Variants in CASQ2 observed in about 807,000 individuals in gnomAD.
CASQ2 encodes the protein calsequestrin-2.
CASQ2 carries 49 observed loss-of-function variants against 46.5 expected under a neutral mutation model. That is an observed-to-expected ratio of 1.05 (90% confidence interval 0.84 to 1.34). The LOEUF (loss-of-function observed/expected upper bound fraction) is 1.34, where lower values mean the gene tolerates loss of function less well. Among genes scored for constraint, CASQ2 ranks in the 40% most tolerant of loss-of-function variants. The pLI is 0.00. For synonymous variants in CASQ2, 174 were observed against 168.5 expected (o/e 1.03, Z -0.25); for missense variants, 486 against 481.3 (o/e 1.01, Z -0.09).
intron 1 of CASQ2, among the ~76,000 whole-genome samples, chr1:115,751,149 T>C (rs1648565849): frequency 6.6e-6 from 1 of 152,268 alleles, no homozygotes; most frequent in South Asian, 2.1e-4. Flanking sequence ...GGCACAGTTC[T>C]TGGCATGCAG....
chr1:115,768,251 G>T, intron 1 of CASQ2, 57 bp downstream of exon 1: 1 of 1,117,860 alleles, frequency 8.9e-7, no homozygotes, highest in Non-Finnish European at 1.4e-6. Flanking sequence ...CTGGCCAAAG[G>T]CATTCCCTCG....
chr1:115,738,470 C>T (rs1648041702), intron 3 of CASQ2, 135 bp from the exon 4 acceptor site: 1 of 728,292 alleles, frequency 1.4e-6, no homozygotes, highest in African/African-American at 1.7e-5. Flanking sequence ...ATTCTCCCCA[C>T]AATCCCCCAG....
chr1:115,757,208 C>A (rs1270448508), intron 1 of CASQ2, among the ~76,000 whole-genome samples: 1 of 152,152 alleles, frequency 6.6e-6, no homozygotes, highest in African/African-American at 2.4e-5. Context: ...GCTTTTACAA[C>A]TAGCATTTCT....
At chr1:115,726,943 C>T in intron 6 of CASQ2, 49 bp downstream of exon 6, 1 of 1,403,012 alleles carries the variant, frequency 7.1e-7, no homozygotes, top group Non-Finnish European at 9.9e-7. Context: ...AGGCTCCTCT[C>T]CATTCCCCAG....
intron 4 of CASQ2, among the ~76,000 whole-genome samples, chr1:115,735,688 T>C (rs968164042): frequency 6.6e-6 from 1 of 152,222 alleles, no homozygotes; most frequent in African/African-American, 2.4e-5. Context: ...ATACAAAATT[T>C]AATTAAGATC....
At chr1:115,755,971 T>G (rs929855454) in intron 1 of CASQ2, among the ~76,000 whole-genome samples, 1 of 149,596 alleles carries the variant, frequency 6.7e-6, no homozygotes, top group Non-Finnish European at 1.5e-5. Flanking sequence ...GTTGCATTGT[T>G]GCATTCACTT....
intron 8 of CASQ2, among the ~76,000 whole-genome samples, chr1:115,715,105 C>T (rs1654658401): frequency 6.6e-6 from 1 of 152,228 alleles, no homozygotes; most frequent in Non-Finnish European, 1.5e-5. Flanking sequence ...CAGCAGGCTG[C>T]TGCCTATGGC....
At chr1:115,733,064 C>CAATT (rs1373082904) in intron 4 of CASQ2, 90 bp from the exon 5 acceptor site, 1 of 854,844 alleles carries the variant, frequency 1.2e-6, no homozygotes, top group Middle Eastern at 2.2e-4. Flanking sequence ...AGTAGAAAGC[C>CAATT]AATTAATCCT....
chr1:115,766,250 G>A (rs983798886), intron 1 of CASQ2, among the ~76,000 whole-genome samples: 7 of 152,272 alleles, frequency 4.6e-5, no homozygotes, highest in African/African-American at 1.2e-4. Context: ...GGGCGTTTTC[G>A]CACTGATTTC....
intron 5 of CASQ2, among the ~76,000 whole-genome samples, chr1:115,728,953 T>C (rs1438193571): frequency 6.6e-6 from 1 of 151,844 alleles, no homozygotes; most frequent in Non-Finnish European, 1.5e-5. Context: ...AGTAAAAATT[T>C]CCCAGGGATC....
chr1:115,710,698 G>A (rs987632087), intron 8 of CASQ2, among the ~76,000 whole-genome samples: 1 of 152,164 alleles, frequency 6.6e-6, no homozygotes, highest in Non-Finnish European at 1.5e-5. Flanking sequence ...GGCTAACTCA[G>A]GGATGGCTCT....
intron 8 of CASQ2, among the ~76,000 whole-genome samples, chr1:115,713,449 C>G (rs533262103): frequency 6.6e-5 from 10 of 152,312 alleles, no homozygotes; most frequent in Admixed American, 6.5e-4. Context: ...AGAGCAGACT[C>G]TGCCTCCTGG....
intron 2 of CASQ2, 49 bp from the exon 3 acceptor site, chr1:115,740,877 G>T: frequency 7.7e-7 from 1 of 1,299,592 alleles, no homozygotes; most frequent in Non-Finnish European, 1.1e-6. Flanking sequence ...GACGTAGGAA[G>T]AGTGATTGTA....
At chr1:115,758,724 T>A (rs754549099) in intron 1 of CASQ2, among the ~76,000 whole-genome samples, 1 of 152,192 alleles carries the variant, frequency 6.6e-6, no homozygotes, top group Non-Finnish European at 1.5e-5. Flanking sequence ...ACCTTTTCTC[T>A]CTCTCTCGCT....
At position 115,739,124 on chromosome 1, in the gene CASQ2, C is replaced by CTTTTTTTTTTTTTTTTTTTTTTTT. The variant is rs1299140156; in HGVS notation, c.421-790_421-789insAAAAAAAAAAAAAAAAAAAAAAAA. On this transcript the variant is annotated intron_variant, in intron 3 of 10. Coordinates refer to ENST00000261448, the MANE Select transcript of CASQ2 (RefSeq NM_001232.4). ...ATGTATAGCACATTTTCTTTTCTTT[C>CTTTTTTTTTTTTTTTTTTTTTTTT]TTTTTGAGATGGAGTCATGCTGTGT... 2.7e-3 allele frequency among the ~76,000 whole-genome samples: 272 copies of CTTTTTTTTTTTTTTTTTTTTTTTT among 99,530 alleles called. 38 individuals carry two copies. Among genetic ancestry groups the CTTTTTTTTTTTTTTTTTTTTTTTT allele is most frequent in the Non-Finnish European group, 3.9e-3 (176 of 45,192 alleles). 65.3% of individuals were successfully genotyped at this position (99,530 alleles called of 152,430 possible). A position where few individuals can be genotyped will look rare whatever the true frequency, so the allele number is the denominator to read the frequency against.
chr1:115,742,123 T>G (rs1216554706), intron 2 of CASQ2, among the ~76,000 whole-genome samples: 2 of 152,098 alleles, frequency 1.3e-5, no homozygotes, highest in Non-Finnish European at 2.9e-5. Context: ...TCATGGCTCC[T>G]GCCTCAGCCT....
At chr1:115,719,790 C>T (rs767973039) in intron 7 of CASQ2, among the ~76,000 whole-genome samples, 178 of 152,246 alleles carry the variant, frequency 1.2e-3, no homozygotes, top group Non-Finnish European at 2.1e-3. Flanking sequence ...CTGAGAACCC[C>T]CGGGGCTTCT....
chr1:115,719,784 GAAC>G (rs1647303671), intron 7 of CASQ2, among the ~76,000 whole-genome samples: 1 of 152,166 alleles, frequency 6.6e-6, no homozygotes, highest in South Asian at 2.1e-4. Flanking sequence ...TCAGGGCTGA[GAAC>G]CCCCGGGGCT....
chr1:115,730,755 G>T (rs1482979160), intron 5 of CASQ2, among the ~76,000 whole-genome samples: 1 of 152,038 alleles, frequency 6.6e-6, no homozygotes, highest in East Asian at 1.9e-4. Flanking sequence ...ACTTTTACTA[G>T]TGCCAGTTGT....
Sources: gnomAD v4.1 joint callset for allele counts (sites outside exome capture counted in the v4.1 genomes callset) on GRCh38, gnomAD v4.1.1 for gene constraint, MANE v1.5 for transcripts, NCBI Gene and HGNC (gene_info 2026-07-23, HGNC 2026-07-21) for gene names.